GALNT16: variants seen among roughly 807,000 people sequenced by gnomAD.
The protein encoded by GALNT16 is UDP-GalNAc:polypeptide N-acetylgalactosaminyltransferase-like protein 1.
In GALNT16, 40 loss-of-function variants were observed where a neutral mutation model predicts 76.1. That is an observed-to-expected ratio of 0.53 (90% CI 0.41 to 0.68). GALNT16 has a LOEUF of 0.68. GALNT16 is among the 30% of genes least tolerant of loss of function. The probability of loss-of-function intolerance (pLI) is 0.00; values close to 1 mark genes in which losing one functional copy is unlikely to be tolerated. For missense variants in GALNT16, 621 were observed against 731.9 expected, an observed-to-expected ratio of 0.85 and a Z score of 1.75; for synonymous variants, 276 against 285.2, an observed-to-expected ratio of 0.97 and a Z score of 0.32.
chr14:69,306,788 T>A (rs541249418), intron 1 of GALNT16, among the ~76,000 whole-genome samples: 2 of 152,268 alleles, frequency 1.3e-5, no homozygotes, highest in South Asian at 4.1e-4. Flanking sequence ...ATGGACAGAA[T>A]GAAATAGAAG....
the GALNT16 span, among the ~76,000 whole-genome samples, chr14:69,381,390 G>A: frequency 5.3e-5 from 8 of 152,140 alleles, no homozygotes; most frequent in Non-Finnish European, 1.2e-4. Context: ...CCTTCCCCCT[G>A]TAAAGTATTA....
intron 1 of GALNT16, among the ~76,000 whole-genome samples, chr14:69,285,350 G>A (rs1001673957): frequency 6.6e-6 from 1 of 152,118 alleles, no homozygotes; most frequent in Non-Finnish European, 1.5e-5. Context: ...AGCAGCATGA[G>A]AATGGACTAA....
intron 9 of GALNT16, among the ~76,000 whole-genome samples, chr14:69,334,506 C>T (rs958855144): frequency 5.9e-5 from 9 of 152,148 alleles, no homozygotes; most frequent in Non-Finnish European, 1.0e-4. Flanking sequence ...AAGGTGCAAC[C>T]GACTTGAGTG....
At chr14:69,362,084 TC>T in the GALNT16 span, among the ~76,000 whole-genome samples, 2 of 152,198 alleles carry the variant, frequency 1.3e-5, no homozygotes, top group Non-Finnish European at 2.9e-5. Flanking sequence ...GAATACAATG[TC>T]CCGTGATGTA....
intron 7 of GALNT16, among the ~76,000 whole-genome samples, 195 bp downstream of exon 7, chr14:69,331,746 C>T (rs1272421317): frequency 6.6e-6 from 1 of 152,214 alleles, no homozygotes; most frequent in Non-Finnish European, 1.5e-5. Flanking sequence ...GCAGAGCTGG[C>T]AGTTGCAGGC....
chr14:69,260,746 G>A (rs967942514), intron 1 of GALNT16, among the ~76,000 whole-genome samples: 2 of 151,988 alleles, frequency 1.3e-5, no homozygotes, highest in African/African-American at 4.8e-5. Flanking sequence ...TGGGAACGTG[G>A]CGGCTCTCCC....
chr14:69,311,024 C>T (rs547865836), intron 1 of GALNT16, among the ~76,000 whole-genome samples: 12 of 152,330 alleles, frequency 7.9e-5, no homozygotes, highest in Middle Eastern at 3.4e-3. Flanking sequence ...AGTCCAGGGG[C>T]ATGGTCTTAT....
intron 1 of GALNT16, among the ~76,000 whole-genome samples, chr14:69,274,327 G>C (rs2140107854): frequency 6.6e-6 from 1 of 152,258 alleles, no homozygotes; most frequent in African/African-American, 2.4e-5. Flanking sequence ...ATCTAATTCT[G>C]CATAACAAAT....
In GALNT16 at chr14:69,333,388, C is replaced by T. The variant is rs2045380495; in HGVS notation, c.864-109C>T. 1.3e-6 allele frequency: 1 copy of T among 746,356 alleles called. No homozygotes were observed. Among genetic ancestry groups the T allele is most frequent in the Non-Finnish European group, 2.3e-6 (1 of 426,034 alleles). 46.2% of individuals were successfully genotyped at this position (746,356 alleles called of 1,614,324 possible). A position where few individuals can be genotyped will look rare whatever the true frequency, so the allele number is the denominator to read the frequency against. On this transcript the variant is annotated intron_variant, in intron 8 of 14. Transcript: ENST00000448469. This position sits in a 1 kb window ranked among gnomAD's most constrained non-coding sequence, Gnocchi z 4.2. ...CTGGCCAGACATCCTGCCCCAGTGACTCTGCAGGGAGGGATCTAGAGGCAG... is the reference window on the plus strand; with the variant it reads ...CTGGCCAGACATCCTGCCCCAGTGATTCTGCAGGGAGGGATCTAGAGGCAG...
At chr14:69,295,190 G>C (rs151313081) in intron 1 of GALNT16, among the ~76,000 whole-genome samples, 1 of 152,118 alleles carries the variant, frequency 6.6e-6, no homozygotes, top group Admixed American at 6.5e-5. Context: ...GAGGCGGGTG[G>C]ATTGCTTGAG....
chr14:69,325,223 C>T, intron 3 of GALNT16, 114 bp from the exon 4 acceptor site: 2 of 750,500 alleles, frequency 2.7e-6, no homozygotes, highest in East Asian at 2.5e-5. Context: ...TAGGAGCGCC[C>T]AGCATGCTGG....
At chr14:69,322,977 T>C (rs1272738145) in intron 2 of GALNT16, among the ~76,000 whole-genome samples, 464 of 34,240 alleles carry the variant, frequency 0.014, 24 homozygotes, top group African/African-American at 0.11. Flanking sequence ...TGTGTGTGTG[T>C]GTGTGCGCGC....
At chr14:69,311,742 T>C (rs1216958208) in intron 1 of GALNT16, among the ~76,000 whole-genome samples, 1 of 152,224 alleles carries the variant, frequency 6.6e-6, no homozygotes, top group Non-Finnish European at 1.5e-5. Flanking sequence ...TAAACCGACA[T>C]GCCCAGCTGG....
At chr14:69,330,050 AAGTT>A (rs1453651885) in intron 6 of GALNT16, among the ~76,000 whole-genome samples, 1 of 152,228 alleles carries the variant, frequency 6.6e-6, no homozygotes. Context: ...GTTTGAACAT[AAGTT>A]AGTTAGCATA....
the GALNT16 span, among the ~76,000 whole-genome samples, chr14:69,383,968 C>A: frequency 3.3e-5 from 5 of 152,068 alleles, no homozygotes; most frequent in Non-Finnish European, 7.4e-5. Context: ...GGTAATATAG[C>A]AAGACCCTGT....
intron 14 of GALNT16, chr14:69,350,036 AC>A (rs1259310601): frequency 6.6e-6 from 1 of 151,970 alleles, no homozygotes; most frequent in African/African-American, 2.4e-5. Flanking sequence ...AAATGGTGAA[AC>A]CCCGTCTCTA....
intron 1 of GALNT16, among the ~76,000 whole-genome samples, chr14:69,280,829 C>T (rs1387496287): frequency 6.6e-6 from 1 of 152,088 alleles, no homozygotes; most frequent in Non-Finnish European, 1.5e-5. Context: ...TATTTACCTC[C>T]AGGTTGTATA....
At chr14:69,305,275 T>A (rs879701932) in intron 1 of GALNT16, among the ~76,000 whole-genome samples, 3 of 151,682 alleles carry the variant, frequency 2.0e-5, no homozygotes, top group Non-Finnish European at 4.4e-5. Flanking sequence ...GTGATTCTCC[T>A]GCCTCAGCCT....
the GALNT16 span, among the ~76,000 whole-genome samples, chr14:69,362,705 G>C: frequency 6.6e-6 from 1 of 152,246 alleles, no homozygotes; most frequent in East Asian, 1.9e-4. Flanking sequence ...GTCTTGTAAA[G>C]TGGAAACAGC....
Sources: gnomAD v4.1 joint callset for allele counts (sites outside exome capture counted in the v4.1 genomes callset) on GRCh38, gnomAD v4.1.1 for gene constraint, Gnocchi (gnomAD v3.1) non-coding constraint, MANE v1.5 for transcripts, NCBI Gene and HGNC (gene_info 2026-07-23, HGNC 2026-07-21) for gene names.